NTM: variants seen among roughly 807,000 people sequenced by gnomAD.
NTM encodes the protein neurotrimin, also known as IgLON family member 2.
A neutral mutation model predicts 42.1 loss-of-function variants in NTM; 13 were observed. That is an observed-to-expected ratio of 0.31 (90% confidence interval 0.20 to 0.49). NTM has a LOEUF of 0.49. NTM is among the 20% of genes least tolerant of loss of function. The pLI is 0.99. For synonymous variants in NTM, 187 were observed against 179.2 expected, an observed-to-expected ratio of 1.04 and a Z score of -0.35; for missense variants, 373 against 452.8, an observed-to-expected ratio of 0.82 and a Z score of 1.60.
At chr11:131,765,844 T>C (rs905265810) in intron 1 of NTM, among the ~76,000 whole-genome samples, 5 of 152,184 alleles carry the variant, frequency 3.3e-5, no homozygotes, top group African/African-American at 1.2e-4. Context: ...CCCCAGAGCA[T>C]AGAATCAAGA....
chr11:131,374,110 T>C (rs1285481142), intron 1 of NTM, among the ~76,000 whole-genome samples: 5 of 152,180 alleles, frequency 3.3e-5, no homozygotes, highest in African/African-American at 1.2e-4. Flanking sequence ...GATGGGACCC[T>C]GGGCCTGACA....
intron 6 of NTM, 96 bp from the exon 7 acceptor site, chr11:132,314,456 G>A (rs2095369868): frequency 3.0e-6 from 4 of 1,342,122 alleles, no homozygotes; most frequent in East Asian, 2.4e-5. Context: ...CAGAAAGGGG[G>A]GCAAGGAGAA....
intron 1 of NTM, among the ~76,000 whole-genome samples, chr11:131,617,121 GT>G (rs1204699707): frequency 6.6e-6 from 1 of 152,070 alleles, no homozygotes; most frequent in African/African-American, 2.4e-5. Context: ...CAGACCCTAG[GT>G]GTGCTGCCGA....
intron 2 of NTM, among the ~76,000 whole-genome samples, chr11:132,021,847 T>G (rs2074388730): frequency 6.6e-6 from 1 of 152,146 alleles, no homozygotes; most frequent in Non-Finnish European, 1.5e-5. Context: ...CTCCTGATAT[T>G]TGCTTCCTAC....
intron 2 of NTM, among the ~76,000 whole-genome samples, chr11:131,985,546 G>A (rs771612722): frequency 6.6e-5 from 10 of 152,180 alleles, no homozygotes; most frequent in Non-Finnish European, 1.2e-4. Flanking sequence ...GGCGGCATCC[G>A]GGAATGGTGC....
At chr11:131,711,672 A>G (rs1429623631) in intron 1 of NTM, among the ~76,000 whole-genome samples, 2 of 152,114 alleles carry the variant, frequency 1.3e-5, no homozygotes, top group African/African-American at 4.8e-5. Context: ...CTATAAAGAC[A>G]CATGCACACA....
intron 1 of NTM, among the ~76,000 whole-genome samples, chr11:131,728,524 A>G (rs993325233): frequency 2.0e-5 from 3 of 152,116 alleles, no homozygotes; most frequent in Non-Finnish European, 4.4e-5. Context: ...AGCTCTTTGA[A>G]CCTATCTTTT....
chr11:131,517,262 G>A (rs1468384296), intron 1 of NTM, among the ~76,000 whole-genome samples: 1 of 152,170 alleles, frequency 6.6e-6, no homozygotes, highest in Admixed American at 6.5e-5. Context: ...TGAATAATGT[G>A]TGGGAAATTC....
intron 2 of NTM, among the ~76,000 whole-genome samples, chr11:131,961,520 C>T (rs567701331): frequency 1.3e-5 from 2 of 152,294 alleles, no homozygotes; most frequent in South Asian, 2.1e-4. Flanking sequence ...ACTGAAGATA[C>T]TCTGGAAAGC....
intron 1 of NTM, among the ~76,000 whole-genome samples, chr11:131,466,502 C>T (rs1293417259): frequency 6.6e-6 from 1 of 152,182 alleles, no homozygotes; most frequent in Non-Finnish European, 1.5e-5. Context: ...CAACTAAGGT[C>T]AGCTCTTGGA....
chr11:132,318,274 A>AATTTCCTCTTCTTTACAAT (rs1254643034), intron 7 of NTM, among the ~76,000 whole-genome samples: 9 of 152,084 alleles, frequency 5.9e-5, no homozygotes, highest in Non-Finnish European at 1.3e-4. Flanking sequence ...ATTTAGACTC[A>AATTTCCTCTTCTTTACAAT]ATTTCCTCTT....
chr11:132,328,861 C>A (rs1028257263), intron 7 of NTM, among the ~76,000 whole-genome samples: 1 of 152,132 alleles, frequency 6.6e-6, no homozygotes, highest in Admixed American at 6.5e-5. Context: ...GCAAGCCCTT[C>A]AAGGGACCAT....
At chr11:132,140,492 G>A (rs968028580) in intron 2 of NTM, among the ~76,000 whole-genome samples, 1 of 152,176 alleles carries the variant, frequency 6.6e-6, no homozygotes, top group Non-Finnish European at 1.5e-5. Context: ...AGTGTGCAAT[G>A]TGAGTCTAAG....
intron 2 of NTM, among the ~76,000 whole-genome samples, chr11:131,962,711 T>A (rs2062355873): frequency 6.6e-6 from 1 of 152,194 alleles, no homozygotes; most frequent in South Asian, 2.1e-4. Flanking sequence ...GTGTCCTCAT[T>A]GCTTATGCCA....
intron 1 of NTM, among the ~76,000 whole-genome samples, chr11:131,715,634 T>C (rs2077616946): frequency 6.6e-6 from 1 of 152,202 alleles, no homozygotes; most frequent in South Asian, 2.1e-4. Context: ...GTTCCTCCTG[T>C]CAGCCTCCTT....
At chr11:131,626,037 CT>C (rs931340591) in intron 1 of NTM, among the ~76,000 whole-genome samples, 10 of 151,560 alleles carry the variant, frequency 6.6e-5, no homozygotes, top group African/African-American at 2.2e-4. Flanking sequence ...TTGTACAAGG[CT>C]TTTTTTTGTG....
At chr11:131,571,544 T>C (rs1592087082) in intron 1 of NTM, among the ~76,000 whole-genome samples, 1 of 152,298 alleles carries the variant, frequency 6.6e-6, no homozygotes, top group Middle Eastern at 3.4e-3. Flanking sequence ...CCATTATTAG[T>C]TATTGGGGGA....
At chr11:132,138,501 T>C (rs2137197648) in intron 2 of NTM, among the ~76,000 whole-genome samples, 1 of 152,240 alleles carries the variant, frequency 6.6e-6, no homozygotes, top group Non-Finnish European at 1.5e-5. Context: ...ACCTAATGAA[T>C]GTCATGTTCG....
intron 1 of NTM, among the ~76,000 whole-genome samples, chr11:131,620,608 T>C (rs1244410641): frequency 6.6e-6 from 1 of 152,198 alleles, no homozygotes; most frequent in Non-Finnish European, 1.5e-5. Context: ...CCTCAGGGCC[T>C]TGGCACCTGC....
Sources: gnomAD v4.1 joint callset for allele counts (sites outside exome capture counted in the v4.1 genomes callset) on GRCh38, gnomAD v4.1.1 for gene constraint, MANE v1.5 for transcripts, NCBI Gene and HGNC (gene_info 2026-07-23, HGNC 2026-07-21) for gene names.